Variants in SERPINC1 observed in about 807,000 individuals in gnomAD.
SERPINC1 encodes the protein serpin family C member 1.
Under a neutral mutation model 43.4 loss-of-function variants are expected in SERPINC1, and 12 were observed. The observed-to-expected ratio is 0.28, with a 90% CI of 0.18 to 0.45. The LOEUF is 0.45. Among genes scored for constraint, SERPINC1 ranks in the 20% least tolerant of loss-of-function variants. The probability of loss-of-function intolerance (pLI) is 1.00; values close to 1 mark genes in which losing one functional copy is unlikely to be tolerated. For synonymous variants in SERPINC1, 210 were observed against 218.9 expected, an observed-to-expected ratio of 0.96 and a Z score of 0.36; for missense variants, 423 against 578.8, an observed-to-expected ratio of 0.73 and a Z score of 2.76.
intron 1 of SERPINC1, among the ~76,000 whole-genome samples, chr1:173,916,382 G>A (rs937478225): frequency 6.6e-6 from 1 of 152,234 alleles, no homozygotes; most frequent in Non-Finnish European, 1.5e-5. Flanking sequence ...CTGGCTGGAA[G>A]CTGGGGCAGC....
intron 5 of SERPINC1, 44 bp downstream of exon 5, chr1:173,909,508 T>G (rs1213654115): frequency 1.2e-6 from 2 of 1,607,240 alleles, no homozygotes; most frequent in Non-Finnish European, 1.7e-6. Flanking sequence ...TTGGTCAGAC[T>G]ACCTTGCGGG....
intron 5 of SERPINC1, among the ~76,000 whole-genome samples, chr1:173,908,559 A>ATTAT (rs375471069): frequency 3.4e-5 from 5 of 147,576 alleles, no homozygotes; most frequent in East Asian, 2.0e-4. Flanking sequence ...AACTTATTTT[A>ATTAT]TTATTTATTT....
At chr1:173,908,683 C>G (rs891536689) in intron 5 of SERPINC1, among the ~76,000 whole-genome samples, 1 of 152,026 alleles carries the variant, frequency 6.6e-6, no homozygotes. Context: ...AGCTCTGCCT[C>G]CCAAGAAGCT....
chr1:173,913,430 ACT>A (rs1453877820), intron 2 of SERPINC1, among the ~76,000 whole-genome samples: 6 of 151,826 alleles, frequency 4.0e-5, no homozygotes, highest in Non-Finnish European at 8.8e-5. Context: ...GCCAGAAAAC[ACT>A]CTCACGTCCT....
At chr1:173,904,364 AT>A (rs1382232729) in intron 6 of SERPINC1, among the ~76,000 whole-genome samples, 1 of 152,110 alleles carries the variant, frequency 6.6e-6, no homozygotes, top group Non-Finnish European at 1.5e-5. Context: ...ACCATTGTAA[AT>A]GGTTTTACAG....
intron 1 of SERPINC1, among the ~76,000 whole-genome samples, chr1:173,915,385 G>A (rs953429576): frequency 1.3e-5 from 2 of 152,086 alleles, no homozygotes; most frequent in African/African-American, 4.8e-5. Context: ...TGGAGCAAAG[G>A]CAATATCTGG....
chr1:173,909,628 G>A lies in SERPINC1; in HGVS notation c.1077C>T (p.Asp359=), dbSNP rs773134244. The A allele has an allele frequency of 8.7e-6, 14 of 1,613,954 alleles. No homozygotes were observed. The highest frequency in any genetic ancestry group is 4.5e-5 in the East Asian group (2 of 44,878). Residue 359 remains aspartate (D), a synonymous_variant, in exon 5 of 7, where the codon GAC becomes GAT. Coordinates refer to ENST00000367698, the MANE Select transcript of SERPINC1 (RefSeq NM_000488.4). ...GCAGCTGCTCCTTCAAACTGAAGCC[G>A]TCCTCAATGCGGAAGCGGGGCATGT... ...VVHMPRFRIE[D]GFSLKEQLQD...
chr1:173,914,818 G>T lies in SERPINC1; in HGVS notation c.143C>A (p.Pro48His), dbSNP rs1657921983. ...DICTAKPRDI[P>H]MNPMCIYRSP... ...GCGGTAAATGCACATGGGATTCATG[G>T]GAATGTCCCGCGGCTTGGCTGTGCA... is the stretch of plus-strand genomic sequence containing the variant. Residue 48 changes from proline to histidine, a missense_variant, in exon 2 of 7, where the codon CCC becomes CAC. Physicochemically the swap from Pro to His is moderately conservative, Grantham distance 77. Coordinates refer to ENST00000367698, the MANE Select transcript of SERPINC1 (RefSeq NM_000488.4). 7.4e-6 allele frequency: 12 copies of T among 1,614,166 alleles called. No homozygotes were observed. The East Asian group carries it at 2.7e-4, about 36-fold the overall frequency.
At position 173,917,205 on chromosome 1, in the gene SERPINC1, C is replaced by T; in HGVS notation, c.41+14G>A. The T allele has an allele frequency of 6.2e-7, 1 of 1,613,170 alleles. No homozygotes were observed. The highest frequency in any genetic ancestry group is 8.5e-7 in the Non-Finnish European group (1 of 1,179,238). ...CCAGTAGGGGCAGGCAAGGGGAAAG[C>T]TCACCCCTCTTACCTTTTTCCAGAG... is the stretch of plus-strand genomic sequence containing the variant. On this transcript the variant is annotated intron_variant, in intron 1 of 6. Coordinates refer to ENST00000367698, the MANE Select transcript of SERPINC1 (RefSeq NM_000488.4).
At chr1:173,910,691 AAAG>A (rs1187714561) in intron 4 of SERPINC1, 60 bp downstream of exon 4, 7 of 1,569,790 alleles carry the variant, frequency 4.5e-6, no homozygotes, top group Non-Finnish European at 6.1e-6. Context: ...ATTTAAAAAA[AAAG>A]GGGGTAAGCT....
At chr1:173,914,948 C>T (rs748278166) in intron 1 of SERPINC1, 29 bp from the exon 2 acceptor site, 2 of 1,605,612 alleles carry the variant, frequency 1.2e-6, no homozygotes, top group South Asian at 1.1e-5. Context: ...CCAAGTTAAG[C>T]TAGGCTGCAA....
At chr1:173,911,346 A>C (rs1474046086) in intron 3 of SERPINC1, among the ~76,000 whole-genome samples, 1 of 152,212 alleles carries the variant, frequency 6.6e-6, no homozygotes, top group Non-Finnish European at 1.5e-5. Context: ...ACATTTGAGG[A>C]ATGCCGATTG....
Position 173,909,950 on chromosome 1 carries a change from A to C in SERPINC1, c.763-8T>G. 1 of 1,613,952 alleles carries C rather than the reference A, an allele frequency of 6.2e-7. No individual in the cohort carries two copies. The highest frequency in any genetic ancestry group is 8.5e-7 in the Non-Finnish European group (1 of 1,179,908). The stretch of plus-strand genomic sequence containing the variant: ...CTTTGACTTCCACAGGCCCTGGAAG[A>C]GAATCACAAAGTAAGAACACAAACA... On this transcript the variant is annotated splice_polypyrimidine_tract_variant and splice_region_variant and intron_variant, in intron 4 of 6. Transcript: ENST00000367698.
At chr1:173,913,464 T>G (rs1377030053) in intron 2 of SERPINC1, among the ~76,000 whole-genome samples, 2 of 152,344 alleles carry the variant, frequency 1.3e-5, no homozygotes, top group East Asian at 3.9e-4. Flanking sequence ...TTGGCTTTCC[T>G]GGGCCCCTGG....
intron 6 of SERPINC1, among the ~76,000 whole-genome samples, chr1:173,906,115 C>CA (rs2227613): frequency 0.062 from 9,435 of 152,078 alleles, 1,028 homozygotes; most frequent in African/African-American, 0.21. Context: ...CTGGCTCCCG[C>CA]AAAAAATAGT....
At chr1:173,915,271 G>T (rs1231119423) in intron 1 of SERPINC1, 3 of 861,126 alleles carry the variant, frequency 3.5e-6, no homozygotes, top group East Asian at 6.0e-5. Context: ...CCAGTGAAGA[G>T]TCAGGGTGGT....
Position 173,911,918 on chromosome 1 carries a change from A to G in SERPINC1, c.505T>C (p.Ser169Pro), listed in dbSNP as rs1195137809. The change falls in exon 3 of 7, where the codon TCC becomes CCC. Residue 169 changes from serine (S) to proline (P), a missense_variant. Coordinates refer to ENST00000367698, the MANE Select transcript of SERPINC1 (RefSeq NM_000488.4). ...NCRLYRKANKSSKLVSANRLF... is the reference protein window; with the variant it reads ...NCRLYRKANKPSKLVSANRLF... Reference sequence around the variant, plus strand: ...CGATTGGCTGATACTAACTTGGAGGATTTGTTGGCTTTTCGATAGAGTCGG... The same window carrying G: ...CGATTGGCTGATACTAACTTGGAGGGTTTGTTGGCTTTTCGATAGAGTCGG... 27 of 1,614,050 alleles carry G rather than the reference A, an allele frequency of 1.7e-5. No homozygotes were observed. The highest frequency in any genetic ancestry group is 2.2e-5 in the Non-Finnish European group (26 of 1,180,034).
intron 5 of SERPINC1, among the ~76,000 whole-genome samples, chr1:173,909,031 C>T (rs551687439): frequency 3.3e-5 from 5 of 152,194 alleles, no homozygotes; most frequent in African/African-American, 4.8e-5. Context: ...GGTATGGTGA[C>T]GTGTGCCTGT....
At position 173,909,763 on chromosome 1, in the gene SERPINC1, G is replaced by A. The variant is rs1572088591; in HGVS notation, c.942C>T (p.Val314=). Residue 314 remains valine (V), a synonymous_variant, in exon 5 of 7, where the codon GTC becomes GTT. Coordinates refer to ENST00000367698, the MANE Select transcript of SERPINC1 (RefSeq NM_000488.4). ...LPFKGDDITM[V]LILPKPEKSL... is the part of the protein sequence containing the mutation. ...TCTTCTCAGGCTTGGGCAAGATGAGGACCATGGTGATGTCATCACCTTTGA... is the reference window on the plus strand; with the variant it reads ...TCTTCTCAGGCTTGGGCAAGATGAGAACCATGGTGATGTCATCACCTTTGA... 2 of 1,614,240 alleles carry A rather than the reference G, an allele frequency of 1.2e-6. No individual in the cohort carries two copies. The highest frequency in any genetic ancestry group is 1.7e-6 in the Non-Finnish European group (2 of 1,180,036).
Sources: gnomAD v4.1 joint callset for allele counts (sites outside exome capture counted in the v4.1 genomes callset) on GRCh38, gnomAD v4.1.1 for gene constraint, MANE v1.5 for transcripts, NCBI Gene and HGNC (gene_info 2026-07-23, HGNC 2026-07-21) for gene names.